Variants in MAF observed in about 807,000 individuals in gnomAD.
MAF encodes the protein transcription factor Maf.
MAF carries 10 observed loss-of-function variants against 22.0 expected under a neutral mutation model. The observed-to-expected ratio is 0.45, with a 90% CI of 0.28 to 0.77. MAF has a LOEUF of 0.77. Among genes scored for constraint, MAF ranks in the 30% least tolerant of loss-of-function variants. MAF has a pLI of 0.12. For missense variants in MAF, 544 were observed against 548.4 expected (o/e 0.99, Z 0.08); for synonymous variants, 337 against 255.8 (o/e 1.32, Z -3.03).
the MAF span, among the ~76,000 whole-genome samples, chr16:79,306,279 T>C: frequency 6.6e-6 from 1 of 152,190 alleles, no homozygotes; most frequent in Non-Finnish European, 1.5e-5. Flanking sequence ...CATTTTCCCA[T>C]TCTAAATCTC....
the MAF span, among the ~76,000 whole-genome samples, chr16:79,258,236 T>G: frequency 6.6e-6 from 1 of 152,128 alleles, no homozygotes; most frequent in Admixed American, 6.5e-5. Flanking sequence ...ATCACCACAG[T>G]CCGGAAGTGC....
the MAF span, among the ~76,000 whole-genome samples, chr16:79,237,965 C>T: frequency 4.6e-5 from 7 of 152,062 alleles, no homozygotes; most frequent in Non-Finnish European, 8.8e-5. Context: ...TCGTCTTAGA[C>T]GGGAATCTTC....
At chr16:79,540,801 A>G in the MAF span, among the ~76,000 whole-genome samples, 1 of 152,204 alleles carries the variant, frequency 6.6e-6, no homozygotes, top group Non-Finnish European at 1.5e-5. Context: ...GAAAACAGCT[A>G]TCTTAGGGTT....
the MAF span, among the ~76,000 whole-genome samples, chr16:79,321,984 C>T: frequency 3.9e-5 from 6 of 152,144 alleles, 1 homozygote; most frequent in Non-Finnish European, 8.8e-5. Context: ...GTAGTCCCAG[C>T]ACTTTGGGAG....
chr16:79,597,651 T>G (rs1913613918), intron 1 of MAF: 1 of 1,021,050 alleles, frequency 9.8e-7, no homozygotes, highest in Non-Finnish European at 1.2e-6. Context: ...GGCTCTACGG[T>G]TGCACTGTTT....
chr16:79,216,265 A>T, the MAF span, among the ~76,000 whole-genome samples: 144 of 152,062 alleles, frequency 9.5e-4, no homozygotes, highest in African/African-American at 3.4e-3. Context: ...ATGCACAAAT[A>T]TGTGTGCCAT....
the MAF span, among the ~76,000 whole-genome samples, chr16:79,548,077 G>T: frequency 6.6e-6 from 1 of 152,112 alleles, no homozygotes. Context: ...TGATATAGTG[G>T]TTGTTTTCTT....
At chr16:79,468,112 C>G in the MAF span, among the ~76,000 whole-genome samples, 1 of 152,182 alleles carries the variant, frequency 6.6e-6, no homozygotes, top group Non-Finnish European at 1.5e-5. Context: ...AAAGAGACAG[C>G]AGCCATTGGT....
the MAF span, among the ~76,000 whole-genome samples, chr16:79,237,505 C>G: frequency 1.3e-5 from 2 of 152,094 alleles, no homozygotes; most frequent in African/African-American, 4.8e-5. Flanking sequence ...CAACTTCTTT[C>G]TCACTTCCCA....
the MAF span, among the ~76,000 whole-genome samples, chr16:79,360,988 C>T: frequency 4.6e-5 from 7 of 152,156 alleles, no homozygotes; most frequent in South Asian, 2.1e-4. Flanking sequence ...GCAAAAGCTA[C>T]GAATCAAGAC....
the MAF span, among the ~76,000 whole-genome samples, chr16:79,503,030 A>G: frequency 2.6e-5 from 4 of 152,062 alleles, no homozygotes; most frequent in African/African-American, 9.7e-5. Context: ...TCAGTAAACT[A>G]TCTAACATTC....
chr16:79,440,763 G>A, the MAF span, among the ~76,000 whole-genome samples: 1 of 152,152 alleles, frequency 6.6e-6, no homozygotes, highest in Admixed American at 6.5e-5. Context: ...CTTCAGAATG[G>A]CTTGCTGTTA....
chr16:79,533,261 C>A, the MAF span, among the ~76,000 whole-genome samples: 1 of 152,110 alleles, frequency 6.6e-6, no homozygotes, highest in Non-Finnish European at 1.5e-5. Flanking sequence ...TGGTCTCAGA[C>A]CTGTTTTGTA....
the MAF span, among the ~76,000 whole-genome samples, chr16:79,237,882 G>T: frequency 6.6e-6 from 1 of 152,078 alleles, no homozygotes; most frequent in Non-Finnish European, 1.5e-5. Context: ...AGGGACCCCT[G>T]GTCTAGCCAG....
the MAF span, among the ~76,000 whole-genome samples, chr16:79,569,570 G>A: frequency 2.6e-5 from 4 of 152,184 alleles, no homozygotes; most frequent in African/African-American, 9.7e-5. Flanking sequence ...CAGACTGCCT[G>A]AATCGGAAAC....
At chr16:79,264,612 T>C in the MAF span, 47,372 of 152,098 alleles carry the variant, frequency 0.31, 7,898 homozygotes, top group African/African-American at 0.4. Flanking sequence ...ATGCTGCTTT[T>C]GCTGAGTCAG....
the MAF span, among the ~76,000 whole-genome samples, chr16:79,445,042 T>G: frequency 1.1e-4 from 16 of 152,206 alleles, no homozygotes; most frequent in African/African-American, 3.4e-4. Flanking sequence ...TTTATTTATT[T>G]ATTTTTTTTG....
At chr16:79,269,162 G>A in the MAF span, among the ~76,000 whole-genome samples, 4 of 152,102 alleles carry the variant, frequency 2.6e-5, no homozygotes, top group Non-Finnish European at 5.9e-5. Flanking sequence ...AAGATGTCTT[G>A]GTGTTTGCCT....
the MAF span, among the ~76,000 whole-genome samples, chr16:79,455,270 A>G: frequency 9.2e-5 from 14 of 152,182 alleles, no homozygotes; most frequent in African/African-American, 3.4e-4. Flanking sequence ...AGCTTAGTAT[A>G]TGTTAATGGC....
Sources: gnomAD v4.1 joint callset for allele counts (sites outside exome capture counted in the v4.1 genomes callset) on GRCh38, gnomAD v4.1.1 for gene constraint, MANE v1.5 for transcripts, NCBI Gene and HGNC (gene_info 2026-07-23, HGNC 2026-07-21) for gene names.